Variants in MCTP1 observed in about 807,000 individuals in gnomAD.
MCTP1 encodes multiple C2 and transmembrane domain containing 1.
Under a neutral mutation model 120.6 loss-of-function variants are expected in MCTP1, and 69 were observed. That is an observed-to-expected ratio of 0.57 (90% confidence interval 0.47 to 0.70). The LOEUF (loss-of-function observed/expected upper bound fraction) is 0.70, where lower values mean the gene tolerates loss of function less well. MCTP1 is among the 30% of genes least tolerant of loss of function. MCTP1 has a pLI of 0.00. For synonymous variants in MCTP1, 529 were observed against 493.1 expected, an observed-to-expected ratio of 1.07 and a Z score of -0.96; for missense variants, 1,203 against 1,248.8, an observed-to-expected ratio of 0.96 and a Z score of 0.55.
At chr5:95,017,898 A>C (rs1255251930) in intron 1 of MCTP1, among the ~76,000 whole-genome samples, 2 of 152,154 alleles carry the variant, frequency 1.3e-5, no homozygotes, top group Non-Finnish European at 2.9e-5. Context: ...TGATTGATTC[A>C]GGTGACTGCT....
intron 8 of MCTP1, among the ~76,000 whole-genome samples, 198 bp downstream of exon 8, chr5:94,917,698 T>C (rs1369070166): frequency 6.6e-6 from 1 of 152,226 alleles, no homozygotes; most frequent in African/African-American, 2.4e-5. Context: ...TAGTAAGATT[T>C]TAGAACAAAT....
At chr5:95,262,848 T>C (rs1327730645) in intron 1 of MCTP1, among the ~76,000 whole-genome samples, 1 of 152,218 alleles carries the variant, frequency 6.6e-6, no homozygotes, top group Non-Finnish European at 1.5e-5. Flanking sequence ...TCCCTAATTA[T>C]TCTATATACT....
Position 95,065,026 on chromosome 5 carries a change from A to G in MCTP1, c.721-47542T>C, listed in dbSNP as rs952376438. ...AATTCAATGCTTCTGCATTTTGTACAAAAAAAGATAAATTTTGCCAATTCA... is the reference window on the plus strand; with the variant it reads ...AATTCAATGCTTCTGCATTTTGTACGAAAAAAGATAAATTTTGCCAATTCA... On this transcript the variant is annotated intron_variant, in intron 1 of 22. Transcript: ENST00000515393. Among the ~76,000 whole-genome samples the G allele has an allele frequency of 2.0e-5, 3 of 152,164 alleles. No individual in the cohort carries two copies. In the East Asian group the frequency reaches 5.8e-4, roughly 29 times the overall value.
At chr5:95,014,920 T>C (rs950866060) in intron 2 of MCTP1, among the ~76,000 whole-genome samples, 2 of 151,996 alleles carry the variant, frequency 1.3e-5, no homozygotes, top group Non-Finnish European at 2.9e-5. Flanking sequence ...ACTCCAACCT[T>C]CAACAACCAC....
intron 19 of MCTP1, among the ~76,000 whole-genome samples, chr5:94,740,277 A>G (rs184247350): frequency 6.6e-6 from 1 of 152,326 alleles, no homozygotes; most frequent in Admixed American, 6.5e-5. Context: ...ACATGCCTTC[A>G]GTTATCTTTG....
intron 2 of MCTP1, among the ~76,000 whole-genome samples, chr5:94,982,651 G>A (rs1031403626): frequency 2.6e-5 from 4 of 151,960 alleles, no homozygotes; most frequent in Non-Finnish European, 5.9e-5. Context: ...CACTTTGGGA[G>A]GCCAAGATGG....
In MCTP1 at chr5:94,705,079, C is replaced by T. The variant is rs1023936837; in HGVS notation, c.*2417G>A. The stretch of plus-strand genomic sequence containing the variant: ...TACTAAAGGAATATATTTAGTAGTT[C>T]ACAATATCTATAATAGTTAGCAGTC... On this transcript the variant is annotated 3_prime_UTR_variant, in exon 23 of 23. Transcript: ENST00000515393. The T allele has an allele frequency of 5.3e-5, 8 of 151,344 alleles. No homozygotes were observed. The East Asian group carries it at 1.6e-3, about 30-fold the overall frequency. 9.4% of individuals were successfully genotyped at this position (151,344 alleles called of 1,614,324 possible).
chr5:94,858,338 T>C (rs565116597), intron 17 of MCTP1, among the ~76,000 whole-genome samples: 1 of 151,774 alleles, frequency 6.6e-6, no homozygotes, highest in East Asian at 1.9e-4. Context: ...TTTGTGGAGC[T>C]ATAGTGTGAT....
intron 19 of MCTP1, among the ~76,000 whole-genome samples, chr5:94,747,410 G>C (rs4869219): frequency 6.6e-6 from 1 of 151,924 alleles, no homozygotes; most frequent in Admixed American, 6.6e-5. Context: ...CTCTTGGATA[G>C]CTTCCAATTC....
chr5:95,270,056 T>C (rs1309728551), intron 1 of MCTP1, among the ~76,000 whole-genome samples: 2 of 152,154 alleles, frequency 1.3e-5, no homozygotes, highest in Non-Finnish European at 2.9e-5. Flanking sequence ...ATTATAGGAC[T>C]TTTAACGTAT....
Position 94,957,980 on chromosome 5 carries a change from C to T in MCTP1, c.839-4619G>A, listed in dbSNP as rs1209814114. Among the ~76,000 whole-genome samples the T allele has an allele frequency of 2.6e-5, 4 of 152,158 alleles. No individual in the cohort carries two copies. In the East Asian group the frequency reaches 5.8e-4, roughly 22 times the overall value. ...AATAGAATATACATTCTTCTCAGCA[C>T]CACATTACACTTATTCTAAAATCGA... On this transcript the variant is annotated intron_variant, in intron 2 of 22. Transcript: ENST00000515393.
intron 1 of MCTP1, among the ~76,000 whole-genome samples, chr5:95,187,680 G>A (rs1289531292): frequency 2.0e-5 from 3 of 152,268 alleles, no homozygotes; most frequent in East Asian, 1.9e-4. Context: ...GATTACAGGC[G>A]TGAGCCACCG....
intron 1 of MCTP1, among the ~76,000 whole-genome samples, chr5:95,060,348 C>T (rs1262942714): frequency 1.3e-5 from 2 of 152,214 alleles, no homozygotes; most frequent in African/African-American, 4.8e-5. Flanking sequence ...CTGTTAGAAC[C>T]CGGCACACTT....
chr5:94,855,749 G>C (rs1794612821), intron 17 of MCTP1, among the ~76,000 whole-genome samples: 1 of 151,636 alleles, frequency 6.6e-6, no homozygotes, highest in Non-Finnish European at 1.5e-5. Context: ...TGACTTAATG[G>C]CTTGTTAATG....
chr5:94,748,429 C>T (rs1767442845), intron 19 of MCTP1, among the ~76,000 whole-genome samples: 1 of 152,138 alleles, frequency 6.6e-6, no homozygotes, highest in Non-Finnish European at 1.5e-5. Context: ...TAACCTGGCC[C>T]CCTAGTTTAC....
chr5:95,269,039 T>C (rs1019602689), intron 1 of MCTP1, among the ~76,000 whole-genome samples: 1 of 152,214 alleles, frequency 6.6e-6, no homozygotes, highest in African/African-American at 2.4e-5. Context: ...TTGAGAAATG[T>C]CCTCATTTTT....
chr5:94,973,946 C>T (rs546592975), intron 2 of MCTP1, among the ~76,000 whole-genome samples: 35 of 152,018 alleles, frequency 2.3e-4, no homozygotes, highest in African/African-American at 8.2e-4. Context: ...GAAATGGAGA[C>T]GATTATAGAA....
At chr5:94,889,379 G>A (rs1481706094) in intron 11 of MCTP1, among the ~76,000 whole-genome samples, 5 of 152,034 alleles carry the variant, frequency 3.3e-5, no homozygotes, top group African/African-American at 1.2e-4. Context: ...ACAAGGTCAG[G>A]AGTTCAAGAC....
At chr5:94,882,611 C>T (rs1800369697) in intron 12 of MCTP1, among the ~76,000 whole-genome samples, 1 of 152,068 alleles carries the variant, frequency 6.6e-6, no homozygotes, top group Non-Finnish European at 1.5e-5. Context: ...TGAGTGAAAT[C>T]CTAGAGCTAG....
Sources: allele counts gnomAD v4.1 joint callset (sites outside exome capture counted in the v4.1 genomes callset), GRCh38; gene constraint gnomAD v4.1.1; transcripts MANE v1.5; gene names NCBI Gene and HGNC (gene_info 2026-07-23, HGNC 2026-07-21).